The following MSRA variants were observed in gnomAD, a reference collection of about 807,000 sequenced individuals.
MSRA encodes the protein methionine sulfoxide reductase A.
In MSRA, 54 loss-of-function variants were observed where a neutral mutation model predicts 31.3. That is an observed-to-expected ratio of 1.73 (90% confidence interval 1.39 to 2.17). MSRA has a LOEUF of 2.17. Ranked by LOEUF, MSRA falls within the 30% of genes most tolerant of loss-of-function variation. MSRA has a pLI of 0.00. For missense variants in MSRA, 507 were observed against 300.9 expected (o/e 1.69, Z -5.07); for synonymous variants, 169 against 116.5 (o/e 1.45, Z -2.90).
chr8:10,098,028 C>CT (rs915496075), intron 1 of MSRA, among the ~76,000 whole-genome samples: 4 of 151,812 alleles, frequency 2.6e-5, no homozygotes, highest in Admixed American at 1.3e-4. Flanking sequence ...TTTGTGCAAG[C>CT]TTTTTTTAAA....
intron 5 of MSRA, among the ~76,000 whole-genome samples, chr8:10,343,975 T>C: frequency 6.6e-6 from 1 of 152,178 alleles, no homozygotes; most frequent in Non-Finnish European, 1.5e-5. Flanking sequence ...GAGATACCAC[T>C]TGTGGCTCTT....
intron 5 of MSRA, among the ~76,000 whole-genome samples, chr8:10,355,357 GAT>G (rs1250583009): frequency 6.6e-6 from 1 of 152,214 alleles, no homozygotes. Flanking sequence ...ATCGCCGATA[GAT>G]ATGACATTTG....
In MSRA at chr8:10,155,002, T is replaced by TATATATATATATATATATATATATATATA. The variant is rs1554468813; in HGVS notation, c.143-52831_143-52830insATATATATATATATATATATATATATATA. Among the ~76,000 whole-genome samples, 272 of 123,864 alleles carry TATATATATATATATATATATATATATATA rather than the reference T, an allele frequency of 2.2e-3. 13 individuals are homozygous for TATATATATATATATATATATATATATATA. The highest frequency in any genetic ancestry group is 6.7e-3 in the East Asian group (19 of 2,824). The allele number at this position is 123,864 out of a possible 152,430, so 81.3% of individuals were successfully genotyped here. On this transcript the variant is annotated intron_variant, in intron 1 of 5. Transcript: ENST00000317173. ...AATAGTTTGATAATGTGTATATATT[T>TATATATATATATATATATATATATATATA]TATATATATATAGGTTTTACCTTGC...
At chr8:10,117,668 G>C (rs1450676660) in intron 1 of MSRA, among the ~76,000 whole-genome samples, 1 of 152,166 alleles carries the variant, frequency 6.6e-6, no homozygotes, top group Non-Finnish European at 1.5e-5. Flanking sequence ...ATGTGGACTT[G>C]CCCATTTACT....
intron 5 of MSRA, among the ~76,000 whole-genome samples, chr8:10,395,471 T>C (rs1315874841): frequency 6.6e-6 from 1 of 152,172 alleles, no homozygotes; most frequent in Non-Finnish European, 1.5e-5. Flanking sequence ...AGCTGTATTT[T>C]TGAGCAGGAG....
intron 1 of MSRA, among the ~76,000 whole-genome samples, chr8:10,090,530 AG>A (rs1798801860): frequency 6.6e-6 from 1 of 152,246 alleles, no homozygotes; most frequent in Admixed American, 6.5e-5. Context: ...ACTTTTAAAA[AG>A]TTGATGTAAT....
chr8:10,090,180 C>T (rs970850155), intron 1 of MSRA, among the ~76,000 whole-genome samples: 1 of 152,224 alleles, frequency 6.6e-6, no homozygotes, highest in South Asian at 2.1e-4. Context: ...TTTTGAATTC[C>T]CTAGGGCCTG....
intron 3 of MSRA, among the ~76,000 whole-genome samples, chr8:10,249,833 A>G (rs1040334647): frequency 1.1e-4 from 16 of 152,174 alleles, no homozygotes; most frequent in African/African-American, 3.4e-4. Context: ...TCTGTTTCCT[A>G]CAAGCTCAGC....
chr8:10,427,682 A>G (rs1048445297), intron 5 of MSRA, among the ~76,000 whole-genome samples: 8 of 152,116 alleles, frequency 5.3e-5, no homozygotes, highest in African/African-American at 1.9e-4. Flanking sequence ...AGCTGCAGCC[A>G]TTCTGTCCAT....
chr8:10,118,897 A>G (rs1366833001), intron 1 of MSRA, among the ~76,000 whole-genome samples: 1 of 152,162 alleles, frequency 6.6e-6, no homozygotes, highest in Non-Finnish European at 1.5e-5. Flanking sequence ...GGGAAGGCAT[A>G]TGGGAATGTG....
chr8:10,212,555 G>A (rs1010019405), intron 2 of MSRA, among the ~76,000 whole-genome samples: 1 of 152,168 alleles, frequency 6.6e-6, no homozygotes, highest in African/African-American at 2.4e-5. Flanking sequence ...AAATATTGTT[G>A]TGTTCTTCCT....
At chr8:10,201,661 C>T (rs1402241151) in intron 1 of MSRA, among the ~76,000 whole-genome samples, 1 of 152,232 alleles carries the variant, frequency 6.6e-6, no homozygotes, top group African/African-American at 2.4e-5. Context: ...GTGCATGAGA[C>T]ATTCACAAAA....
intron 1 of MSRA, among the ~76,000 whole-genome samples, chr8:10,058,280 T>G (rs1347372631): frequency 2.0e-5 from 3 of 152,120 alleles, no homozygotes; most frequent in African/African-American, 7.2e-5. Context: ...CTAATGACAT[T>G]TGTAAACAAT....
intron 5 of MSRA, among the ~76,000 whole-genome samples, chr8:10,415,763 C>G (rs1043848538): frequency 6.6e-5 from 10 of 151,918 alleles, no homozygotes; most frequent in African/African-American, 2.2e-4. Context: ...CCCCAACCCC[C>G]AGCCTCCATG....
At chr8:10,153,863 C>G (rs149792623) in intron 1 of MSRA, among the ~76,000 whole-genome samples, 1 of 152,170 alleles carries the variant, frequency 6.6e-6, no homozygotes, top group African/African-American at 2.4e-5. Flanking sequence ...TATTTCGGAT[C>G]CAGGCTTTAG....
chr8:10,267,011 T>G (rs1798782087), intron 3 of MSRA, among the ~76,000 whole-genome samples: 1 of 152,232 alleles, frequency 6.6e-6, no homozygotes, highest in Non-Finnish European at 1.5e-5. Context: ...CTGATTATAT[T>G]CTTGATTATA....
At chr8:10,334,019 C>T (rs963849179) in intron 5 of MSRA, among the ~76,000 whole-genome samples, 1 of 152,152 alleles carries the variant, frequency 6.6e-6, no homozygotes, top group African/African-American at 2.4e-5. Flanking sequence ...CTCCCCCTAC[C>T]CGCCATTCGT....
chr8:10,393,645 C>T (rs113462278), intron 5 of MSRA, among the ~76,000 whole-genome samples: 13,837 of 152,128 alleles, frequency 0.091, 1,503 homozygotes, highest in African/African-American at 0.26. Flanking sequence ...GATTATAGCG[C>T]GGAAAATGTG....
At chr8:10,162,378 C>T (rs1563168102) in intron 1 of MSRA, among the ~76,000 whole-genome samples, 1 of 152,066 alleles carries the variant, frequency 6.6e-6, no homozygotes, top group African/African-American at 2.4e-5. Flanking sequence ...CATCTGTAGC[C>T]CAGAAAAATG....
Sources: allele counts gnomAD v4.1 joint callset (sites outside exome capture counted in the v4.1 genomes callset), GRCh38; gene constraint gnomAD v4.1.1; transcripts MANE v1.5; gene names NCBI Gene and HGNC (gene_info 2026-07-23, HGNC 2026-07-21).